Variants in SUCLG2 observed in about 807,000 individuals in gnomAD.
The protein encoded by SUCLG2 is succinate-CoA ligase GDP-forming subunit beta, also known as succinate--CoA ligase [GDP-forming] subunit beta, mitochondrial.
A neutral mutation model predicts 47.9 loss-of-function variants in SUCLG2; 42 were observed. That is an observed-to-expected ratio of 0.88 (90% CI 0.69 to 1.14). The LOEUF (loss-of-function observed/expected upper bound fraction) is 1.14. SUCLG2 is among the 50% of genes most tolerant of loss of function. The pLI is 0.00. For synonymous variants in SUCLG2, 195 were observed against 197.3 expected (o/e 0.99, Z 0.10); for missense variants, 571 against 525.9 (o/e 1.09, Z -0.84).
At chr3:67,448,909 A>C (rs924802720) in intron 9 of SUCLG2, among the ~76,000 whole-genome samples, 1 of 152,192 alleles carries the variant, frequency 6.6e-6, no homozygotes, top group African/African-American at 2.4e-5. Flanking sequence ...GGTAGTGAAA[A>C]AAAACTTTTG....
intron 2 of SUCLG2, among the ~76,000 whole-genome samples, chr3:67,590,794 C>T (rs925950505): frequency 2.0e-5 from 3 of 152,166 alleles, no homozygotes; most frequent in Admixed American, 6.5e-5. Context: ...TTTGGCTTTT[C>T]ACCGCCTTTT....
At chr3:67,458,150 T>G (rs1704235272) in intron 9 of SUCLG2, among the ~76,000 whole-genome samples, 1 of 152,110 alleles carries the variant, frequency 6.6e-6, no homozygotes, top group African/African-American at 2.4e-5. Context: ...GCCAGCTGAA[T>G]GCAGTCACAC....
chr3:67,598,750 T>C (rs1056686775), intron 2 of SUCLG2, among the ~76,000 whole-genome samples: 1 of 152,174 alleles, frequency 6.6e-6, no homozygotes. Context: ...CATCATCTAC[T>C]GATGTTTCCT....
chr3:67,465,983 C>T (rs1489495011), intron 9 of SUCLG2, among the ~76,000 whole-genome samples: 1 of 152,072 alleles, frequency 6.6e-6, no homozygotes, highest in Non-Finnish European at 1.5e-5. Context: ...TGTAAGAATT[C>T]CCATTCATTT....
chr3:67,382,007 C>A (rs1206449314), intron 10 of SUCLG2, among the ~76,000 whole-genome samples: 1 of 152,070 alleles, frequency 6.6e-6, no homozygotes, highest in Non-Finnish European at 1.5e-5. Flanking sequence ...ACGCCTCCTG[C>A]CTTTTATCAT....
intron 7 of SUCLG2, among the ~76,000 whole-genome samples, chr3:67,507,797 G>T (rs535480356): frequency 2.0e-5 from 3 of 152,322 alleles, no homozygotes; most frequent in Non-Finnish European, 4.4e-5. Flanking sequence ...TTTACTGACT[G>T]TAACAAGCTA....
At chr3:67,376,046 C>T (rs1490629975) in intron 10 of SUCLG2, 187 bp from the exon 11 acceptor site, 6 of 985,288 alleles carry the variant, frequency 6.1e-6, no homozygotes, top group Non-Finnish European at 7.2e-6. Context: ...TGTGGTCCAG[C>T]TAGAAAAGAA....
chr3:67,612,593 C>T (rs1450986180), intron 1 of SUCLG2, among the ~76,000 whole-genome samples: 1 of 152,190 alleles, frequency 6.6e-6, no homozygotes. Context: ...ATGGTTAAAA[C>T]AATCAGGAAA....
intron 10 of SUCLG2, among the ~76,000 whole-genome samples, chr3:67,379,070 C>A (rs1015769043): frequency 3.3e-5 from 5 of 152,172 alleles, no homozygotes; most frequent in African/African-American, 4.8e-5. Flanking sequence ...CCTCAGCCTC[C>A]TGAGTAGCTG....
chr3:67,629,111 G>A (rs1214911251), intron 1 of SUCLG2, among the ~76,000 whole-genome samples: 1 of 152,210 alleles, frequency 6.6e-6, no homozygotes, highest in Non-Finnish European at 1.5e-5. Context: ...AAGAGAGGCT[G>A]AGCACCATAT....
At chr3:67,449,911 C>T (rs1401882029) in intron 9 of SUCLG2, among the ~76,000 whole-genome samples, 2 of 151,982 alleles carry the variant, frequency 1.3e-5, no homozygotes, top group African/African-American at 4.8e-5. Context: ...CTGCACTCGG[C>T]CATGCTGAAT....
At chr3:67,540,741 C>T (rs1046893956) in intron 2 of SUCLG2, among the ~76,000 whole-genome samples, 6 of 152,220 alleles carry the variant, frequency 3.9e-5, no homozygotes, top group Non-Finnish European at 7.3e-5. Flanking sequence ...GATCCCTGTG[C>T]CCCCTTACTG....
At chr3:67,494,635 AT>A (rs1421595171) in intron 9 of SUCLG2, among the ~76,000 whole-genome samples, 20 of 152,316 alleles carry the variant, frequency 1.3e-4, no homozygotes, top group South Asian at 2.1e-4. Flanking sequence ...CTAAAAAAAA[AT>A]AATCAAAAAA....
chr3:67,381,617 A>G (rs563719781), intron 10 of SUCLG2, among the ~76,000 whole-genome samples: 1 of 152,312 alleles, frequency 6.6e-6, no homozygotes, highest in African/African-American at 2.4e-5. Context: ...ACTTTTAATA[A>G]CCACCTGTAC....
chr3:67,449,993 T>C (rs1704017836), intron 9 of SUCLG2, among the ~76,000 whole-genome samples: 1 of 151,634 alleles, frequency 6.6e-6, no homozygotes, highest in African/African-American at 2.4e-5. Context: ...ACATATTAAT[T>C]CCTATAAATT....
At chr3:67,604,924 T>C (rs116233643) in intron 2 of SUCLG2, among the ~76,000 whole-genome samples, 2,699 of 152,344 alleles carry the variant, frequency 0.018, 73 homozygotes, top group African/African-American at 0.061. Flanking sequence ...CTTTCAATTA[T>C]TTACAAATCT....
chr3:67,623,074 A>AATAT (rs138501407), intron 1 of SUCLG2, among the ~76,000 whole-genome samples: 2,251 of 151,144 alleles, frequency 0.015, 66 homozygotes, highest in African/African-American at 0.051. Context: ...ATCTCATTTA[A>AATAT]ATATATATAT....
intron 9 of SUCLG2, among the ~76,000 whole-genome samples, chr3:67,495,521 G>A (rs540984258): frequency 6.6e-5 from 10 of 151,968 alleles, no homozygotes; most frequent in African/African-American, 9.6e-5. Flanking sequence ...GCGTTGTGGC[G>A]TGTGACTGTA....
intron 7 of SUCLG2, 67 bp downstream of exon 7, chr3:67,508,740 C>T (rs777346864): frequency 7.2e-5 from 88 of 1,222,592 alleles, no homozygotes; most frequent in Non-Finnish European, 9.7e-5. Context: ...GTCTTTTGTG[C>T]AATTTATAGT....
Sources: gnomAD v4.1 joint callset for allele counts (sites outside exome capture counted in the v4.1 genomes callset) on GRCh38, gnomAD v4.1.1 for gene constraint, MANE v1.5 for transcripts, NCBI Gene and HGNC (gene_info 2026-07-23, HGNC 2026-07-21) for gene names.